PUS10: variants seen among roughly 807,000 people sequenced by gnomAD.
PUS10 encodes pseudouridine synthase 10.
PUS10 carries 59 observed loss-of-function variants against 75.0 expected under a neutral mutation model. The observed-to-expected ratio is 0.79, with a 90% confidence interval of 0.64 to 0.98. The LOEUF is 0.98. Among genes scored for constraint, PUS10 ranks in the 50% least tolerant of loss-of-function variants. PUS10 has a pLI of 0.00. For synonymous variants in PUS10, 219 were observed against 211.6 expected, an observed-to-expected ratio of 1.03 and a Z score of -0.30; for missense variants, 650 against 614.4, an observed-to-expected ratio of 1.06 and a Z score of -0.61.
chr2:61,014,776 G>A (rs1396051452), intron 1 of PUS10, among the ~76,000 whole-genome samples: 2 of 152,178 alleles, frequency 1.3e-5, no homozygotes, highest in Admixed American at 6.5e-5. Context: ...CTTAAAATTT[G>A]TGGAAGGGTG....
In PUS10 at chr2:60,967,568, T is replaced by C; in HGVS notation, c.549A>G (p.Lys183=). Residue 183 remains lysine, a synonymous_variant, in exon 6 of 18, where the codon AAA becomes AAG. Transcript: ENST00000316752. ...GGTGAGTTATCCATTTGTAGGCTTC[T>C]TTTAGCTGAACTATATCATCTCTTC... ...SLGRDDIVQL[K]EAYKWITHPL... The C allele has an allele frequency of 6.2e-7, 1 of 1,609,872 alleles. No homozygotes were observed. The highest frequency in any genetic ancestry group is 1.7e-4 in the Middle Eastern group (1 of 6,044).
chr2:60,950,513 G>T (rs1048834274), intron 15 of PUS10, among the ~76,000 whole-genome samples: 1 of 152,146 alleles, frequency 6.6e-6, no homozygotes, highest in Non-Finnish European at 1.5e-5. Flanking sequence ...TGACCTCTGG[G>T]TTCAAGCTAT....
In PUS10 at chr2:60,942,341, T is replaced by C. The variant is rs183918178; in HGVS notation, c.*54A>G. On this transcript the variant is annotated 3_prime_UTR_variant, in exon 18 of 18. Coordinates refer to ENST00000316752, the MANE Select transcript of PUS10 (RefSeq NM_144709.4). Reference sequence around the variant, plus strand: ...CAGCCATTTTACGGCATGTGCTCCATGGATGTCCACATCATGCCAGGAAAA... The same window carrying C: ...CAGCCATTTTACGGCATGTGCTCCACGGATGTCCACATCATGCCAGGAAAA... 2.9e-5 allele frequency: 43 copies of C among 1,473,238 alleles called. No individual in the cohort carries two copies. Among genetic ancestry groups the C allele is most frequent in the Non-Finnish European group, 3.9e-5 (41 of 1,051,596 alleles). The allele number at this position is 1,473,238 out of a possible 1,614,324, so 91.3% of individuals were successfully genotyped here.
rs190523156 is a variant in PUS10, at chr2:60,940,885, G to T, written c.*1510C>A. On this transcript the variant is annotated 3_prime_UTR_variant, in exon 18 of 18. Transcript: ENST00000316752. ...GACAAGAGTGAAAAAATTATTTGCT[G>T]TTATTTGCATATCAAACACATGGTT... The T allele has an allele frequency of 6.6e-6, 1 of 152,366 alleles. No homozygotes were observed. The highest frequency in any genetic ancestry group is 2.4e-5 in the African/African-American group (1 of 41,562). 9.4% of individuals were successfully genotyped at this position (152,366 alleles called of 1,614,324 possible). A position where few individuals can be genotyped will look rare whatever the true frequency, so the allele number is the denominator to read the frequency against.
At chr2:60,970,079 C>T (rs1676566763) in intron 5 of PUS10, among the ~76,000 whole-genome samples, 3 of 150,680 alleles carry the variant, frequency 2.0e-5, no homozygotes, top group Admixed American at 1.3e-4. Flanking sequence ...GGTGAAACTA[C>T]GTTTAAAAAA....
At chr2:60,984,369 G>C (rs1054226287) in intron 4 of PUS10, among the ~76,000 whole-genome samples, 3 of 152,170 alleles carry the variant, frequency 2.0e-5, no homozygotes, top group Non-Finnish European at 2.9e-5. Flanking sequence ...TAGTACAAGT[G>C]TGAACTAAAA....
intron 4 of PUS10, among the ~76,000 whole-genome samples, chr2:60,973,362 C>G (rs1289618227): frequency 6.6e-6 from 1 of 152,206 alleles, no homozygotes; most frequent in Admixed American, 6.5e-5. Flanking sequence ...CCGGGAAGGC[C>G]CCCCCGTTGT....
At chr2:60,982,323 C>T (rs1366017766) in intron 4 of PUS10, among the ~76,000 whole-genome samples, 4 of 152,072 alleles carry the variant, frequency 2.6e-5, no homozygotes, top group Admixed American at 1.3e-4. Context: ...AGTGCAGTGG[C>T]ACGATCTTGG....
At chr2:61,008,649 G>A in intron 3 of PUS10, 112 bp downstream of exon 3, 2 of 889,100 alleles carry the variant, frequency 2.2e-6, no homozygotes, top group South Asian at 3.8e-5. Context: ...AACAGAATGA[G>A]ACCCAAAAAA....
intron 4 of PUS10, among the ~76,000 whole-genome samples, chr2:60,999,685 T>C (rs1387011627): frequency 6.6e-6 from 1 of 152,196 alleles, no homozygotes; most frequent in Non-Finnish European, 1.5e-5. Flanking sequence ...TTGAAAAGGC[T>C]TAAGATCTCT....
rs1240477237 is a variant in PUS10, at chr2:60,953,101, G to A, written c.1204C>T (p.His402Tyr). The A allele has an allele frequency of 7.6e-6, 12 of 1,582,988 alleles. No individual in the cohort carries two copies. The highest frequency in any genetic ancestry group is 1.7e-4 in the Middle Eastern group (1 of 6,010). ...LQLVTREAIG[H>Y]MKEGEEEKTK... Reference sequence around the variant, plus strand: ...TTTTCTTCTTCACCTTCTTTCATATGTCCTATTGCCTCTCTAAACAAAAAC... The same window carrying A: ...TTTTCTTCTTCACCTTCTTTCATATATCCTATTGCCTCTCTAAACAAAAAC... The change falls in exon 15 of 18, where the codon CAT becomes TAT. Residue 402 changes from histidine (H) to tyrosine (Y), a missense_variant. His to Tyr is a moderately conservative substitution (Grantham distance 83). Transcript: ENST00000316752.
At chr2:60,949,165 T>C (rs1439350203) in intron 15 of PUS10, among the ~76,000 whole-genome samples, 1 of 152,214 alleles carries the variant, frequency 6.6e-6, no homozygotes, top group African/African-American at 2.4e-5. Context: ...TCTTTGATTT[T>C]ATTATAGAAA....
chr2:60,951,660 T>C (rs1675346402), intron 15 of PUS10, among the ~76,000 whole-genome samples: 2 of 152,178 alleles, frequency 1.3e-5, no homozygotes, highest in Admixed American at 6.5e-5. Context: ...GGAGCAGCTG[T>C]AAATATAGAT....
chr2:60,995,143 C>G (rs150718604), intron 4 of PUS10, among the ~76,000 whole-genome samples: 1 of 152,260 alleles, frequency 6.6e-6, no homozygotes, highest in East Asian at 1.9e-4. Flanking sequence ...AATCCTAGCT[C>G]TGCTATTTAT....
In PUS10 at chr2:60,940,543, T is replaced by A. The variant is rs927464185; in HGVS notation, c.*1852A>T. ...TCTTTGTCTCAAAATTCTAGGAACA[T>A]TTGGAAGAAGTATTTAAAGCTAATG... On this transcript the variant is annotated 3_prime_UTR_variant, in exon 18 of 18. Transcript: ENST00000316752. The A allele has an allele frequency of 5.3e-5, 8 of 152,320 alleles. No homozygotes were observed. Among genetic ancestry groups the A allele is most frequent in the African/African-American group, 1.9e-4 (8 of 41,458 alleles). The allele number at this position is 152,320 out of a possible 1,614,324, so 9.4% of individuals were successfully genotyped here.
At chr2:61,012,010 A>T in intron 1 of PUS10, 105 bp from the exon 2 acceptor site, 1 of 794,990 alleles carries the variant, frequency 1.3e-6, no homozygotes, top group Non-Finnish European at 1.9e-6. Context: ...GAAAAACACT[A>T]TTGTGTACTC....
chr2:60,953,842 T>C, intron 14 of PUS10, 91 bp downstream of exon 14: 1 of 939,818 alleles, frequency 1.1e-6, no homozygotes, highest in South Asian at 1.4e-5. Flanking sequence ...AAGAGTTCTT[T>C]ATATATTCTG....
chr2:60,942,046 A>G lies in PUS10; in HGVS notation c.*349T>C. The stretch of plus-strand genomic sequence containing the variant: ...AGGTGGTATATCTCTTGTGGAGGGA[A>G]ATCTTGCTGAAATTACAGCTTCTTA... On this transcript the variant is annotated 3_prime_UTR_variant, in exon 18 of 18. Coordinates refer to ENST00000316752, the MANE Select transcript of PUS10 (RefSeq NM_144709.4). The G allele has an allele frequency of 4.8e-6, 1 of 206,654 alleles. No homozygotes were observed. The highest frequency in any genetic ancestry group is 5.8e-5 in the Admixed American group (1 of 17,314). 12.8% of individuals were successfully genotyped at this position (206,654 alleles called of 1,614,324 possible).
At chr2:60,964,989 T>G (rs947588550) in intron 8 of PUS10, 69 bp downstream of exon 8, 25 of 1,354,974 alleles carry the variant, frequency 1.8e-5, no homozygotes, top group Middle Eastern at 1.8e-4. Flanking sequence ...ATATCCTTTT[T>G]GTTGGAAATT....
Sources: allele counts gnomAD v4.1 joint callset (sites outside exome capture counted in the v4.1 genomes callset), GRCh38; gene constraint gnomAD v4.1.1; transcripts MANE v1.5; gene names NCBI Gene and HGNC (gene_info 2026-07-23, HGNC 2026-07-21).